TSPO2: variants seen among roughly 807,000 people sequenced by gnomAD.
TSPO2 encodes translocator protein 2, also known as benzodiazapine receptor (peripheral)-like 1.
TSPO2 carries 15 observed loss-of-function variants against 13.3 expected under a neutral mutation model. The observed-to-expected ratio is 1.13, with a 90% confidence interval of 0.75 to 1.73. TSPO2 has a LOEUF of 1.73. Among genes scored for constraint, TSPO2 ranks in the 40% most tolerant of loss-of-function variants. The probability of loss-of-function intolerance (pLI) is 0.00; values close to 1 mark genes in which losing one functional copy is unlikely to be tolerated. For missense variants in TSPO2, 202 were observed against 198.3 expected, an observed-to-expected ratio of 1.02 and a Z score of -0.11; for synonymous variants, 81 against 91.6, an observed-to-expected ratio of 0.88 and a Z score of 0.66.
upstream of TSPO2, among the ~76,000 whole-genome samples, chr6:41,041,475 G>A (rs999565399): frequency 6.6e-6 from 1 of 152,234 alleles, no homozygotes; most frequent in Non-Finnish European, 1.5e-5. Flanking sequence ...GGAGAGGCAG[G>A]TGTCAGGAGA....
At position 41,042,982 on chromosome 6, in the gene TSPO2, G is replaced by A. The variant is rs1418842080; in HGVS notation, c.-4G>A. On this transcript the variant is annotated 5_prime_UTR_variant, in exon 2 of 4. The change creates a new upstream start codon in the 5' untranslated region. Coordinates refer to ENST00000373161, the MANE Select transcript of TSPO2 (RefSeq NM_001010873.3). ...CCTCCCCAGATTTTGCCTCTTCAAG[G>A]TGAATGCGGCTTCAAGGGGCTATCT... 1 of 1,613,536 alleles carries A rather than the reference G, an allele frequency of 6.2e-7. No homozygotes were observed. Among genetic ancestry groups the A allele is most frequent in the African/African-American group, 1.3e-5 (1 of 74,910 alleles).
At position 41,044,190 on chromosome 6, in the gene TSPO2, C is replaced by T. The variant is rs919078331; in HGVS notation, c.*53C>T. On this transcript the variant is annotated 3_prime_UTR_variant, in exon 4 of 4. Coordinates refer to ENST00000373161, the MANE Select transcript of TSPO2 (RefSeq NM_001010873.3). ...GCCCAGGGTGGGGAGGAAGAGTCTG[C>T]AAGCAGGGCTGTGGAGTTAGGGTTC... 9 of 1,592,388 alleles carry T rather than the reference C, an allele frequency of 5.7e-6. No homozygotes were observed. Among genetic ancestry groups the T allele is most frequent in the Admixed American group, 1.7e-5 (1 of 59,380 alleles).
rs1335696235 is a variant in TSPO2 at position 41,043,990 on chromosome 6, G to C, written c.366G>C (p.Leu122=). Residue 122 remains leucine (L), a synonymous_variant, in exon 4 of 4, where the codon CTG becomes CTC. Transcript: ENST00000373161. ...LLYGLVVSTA[L]IWHPINKLAA... ...ATGGGCTGGTGGTGAGCACAGCACT[G>C]ATCTGGCATCCCATCAACAAACTGG... 1 of 1,614,130 alleles carries C rather than the reference G, an allele frequency of 6.2e-7. No homozygotes were observed. The highest frequency in any genetic ancestry group is 8.5e-7 in the Non-Finnish European group (1 of 1,180,002).
At position 41,043,997 on chromosome 6, in the gene TSPO2, C is replaced by T; in HGVS notation, c.373C>T (p.His125Tyr). 1 of 1,614,168 alleles carries T rather than the reference C, an allele frequency of 6.2e-7. No homozygotes were observed. Among genetic ancestry groups the T allele is most frequent in the East Asian group, 2.2e-5 (1 of 44,882 alleles). ...GGTGGTGAGCACAGCACTGATCTGGCATCCCATCAACAAACTGGCTGCCCT... is the reference window on the plus strand; with the variant it reads ...GGTGGTGAGCACAGCACTGATCTGGTATCCCATCAACAAACTGGCTGCCCT... The part of the protein sequence containing the change: ...GLVVSTALIW[H>Y]PINKLAALLL... The change falls in exon 4 of 4, where the codon CAT becomes TAT. Residue 125 changes from histidine to tyrosine, a missense_variant. Physicochemically the swap from His to Tyr is moderately conservative, Grantham distance 83. Coordinates refer to ENST00000373161, the MANE Select transcript of TSPO2 (RefSeq NM_001010873.3).
chr6:41,043,196 A>G (rs542186836), intron 2 of TSPO2, 38 bp downstream of exon 2: 33 of 1,579,116 alleles, frequency 2.1e-5, no homozygotes, highest in South Asian at 9.4e-5. Flanking sequence ...CTGGTACCCA[A>G]TGGGGTGGGA....
rs1373299849 is a variant in TSPO2, at chr6:41,043,170, T to C, written c.173+12T>C. On this transcript the variant is annotated intron_variant, in intron 2 of 3. Transcript: ENST00000373161. ...TACTCTGTCGTGGGGTGAGTACTTG[T>C]TTCTCACACATGGCCCTGGTACCCA... The C allele has an allele frequency of 6.2e-7, 1 of 1,602,152 alleles. No individual in the cohort carries two copies. The highest frequency in any genetic ancestry group is 1.1e-5 in the South Asian group (1 of 89,296).
At position 41,044,063 on chromosome 6, in the gene TSPO2, G is replaced by A; in HGVS notation, c.439G>A (p.Ala147Thr). The change falls in exon 4 of 4, where the codon GCC becomes ACC. Residue 147 changes from alanine (A) to threonine (T), a missense_variant. Physicochemically the swap from Ala to Thr is moderately conservative, Grantham distance 58. Transcript: ENST00000373161. ...PYLAWLTVTSALTYHLWRDSL... is the reference protein window; with the variant it reads ...PYLAWLTVTSTLTYHLWRDSL... ...CCTAGCCTGGCTCACCGTGACTTCA[G>A]CCCTCACCTACCACCTGTGGAGGGA... 6.2e-7 allele frequency: 1 copy of A among 1,614,196 alleles called. No individual in the cohort carries two copies. The highest frequency in any genetic ancestry group is 8.5e-7 in the Non-Finnish European group (1 of 1,180,022).
In TSPO2 at chr6:41,044,224, G is replaced by T; in HGVS notation, c.*87G>T. ...CTGTGGAGTTAGGGTTCACCCCAAT[G>T]GGACCACCCTCCTGGGTCCCCTGGT... On this transcript the variant is annotated 3_prime_UTR_variant, in exon 4 of 4. Coordinates refer to ENST00000373161, the MANE Select transcript of TSPO2 (RefSeq NM_001010873.3). The T allele has an allele frequency of 7.1e-7, 1 of 1,413,904 alleles. No individual in the cohort carries two copies. The allele number at this position is 1,413,904 out of a possible 1,614,324, so 87.6% of individuals were successfully genotyped here.
intron 2 of TSPO2, 130 bp from the exon 3 acceptor site, chr6:41,043,427 C>T (rs905032818): frequency 4.5e-5 from 56 of 1,253,350 alleles, no homozygotes; most frequent in Admixed American, 1.9e-4. Flanking sequence ...CTGGCCCTTA[C>T]ATGATGCCTA....
At chr6:41,043,217 T>C in intron 2 of TSPO2, 59 bp downstream of exon 2, 1 of 1,543,422 alleles carries the variant, frequency 6.5e-7, no homozygotes, top group African/African-American at 1.4e-5. Flanking sequence ...ACAAGTCCTC[T>C]ATATCTGAAT....
At chr6:41,041,485 A>C (rs1762587781), upstream of TSPO2, among the ~76,000 whole-genome samples, 1 of 152,180 alleles carries the variant, frequency 6.6e-6, no homozygotes, top group Non-Finnish European at 1.5e-5. Flanking sequence ...GTGTCAGGAG[A>C]AAAGAGGATG....
chr6:41,043,205 G>A, intron 2 of TSPO2, 47 bp downstream of exon 2: 3 of 1,564,202 alleles, frequency 1.9e-6, no homozygotes, highest in South Asian at 2.4e-5. Context: ...AATGGGGTGG[G>A]AACAAGTCCT....
In TSPO2 at chr6:41,044,068, C is replaced by CACCT. The variant is rs1762639366; in HGVS notation, c.448_451dup (p.His151LeufsTer21). The stretch of plus-strand genomic sequence containing the variant: ...CCTGGCTCACCGTGACTTCAGCCCT[C>CACCT]ACCTACCACCTGTGGAGGGACAGCC... On this transcript the variant is annotated frameshift_variant, in exon 4 of 4. Coordinates refer to ENST00000373161, the MANE Select transcript of TSPO2 (RefSeq NM_001010873.3). LOFTEE classifies it high-confidence loss of function. 1 of 1,614,106 alleles carries CACCT rather than the reference C, an allele frequency of 6.2e-7. No homozygotes were observed. The highest frequency in any genetic ancestry group is 1.7e-5 in the Admixed American group (1 of 60,016).
upstream of TSPO2, among the ~76,000 whole-genome samples, chr6:41,041,519 G>A (rs543100585): frequency 9.8e-5 from 15 of 152,314 alleles, no homozygotes; most frequent in Admixed American, 2.0e-4. Flanking sequence ...GCAGGGAGGG[G>A]GCCTCCACCA....
chr6:41,043,215 T>A, intron 2 of TSPO2, 57 bp downstream of exon 2: 1 of 1,548,248 alleles, frequency 6.5e-7, no homozygotes, highest in Non-Finnish European at 8.7e-7. Flanking sequence ...GAACAAGTCC[T>A]CTATATCTGA....
chr6:41,044,229 C>G lies in TSPO2; in HGVS notation c.*92C>G. ...GAGTTAGGGTTCACCCCAATGGGAC[C>G]ACCCTCCTGGGTCCCCTGGTGCCGT... is the stretch of plus-strand genomic sequence containing the variant. On this transcript the variant is annotated 3_prime_UTR_variant, in exon 4 of 4. Transcript: ENST00000373161. 1 of 1,376,202 alleles carries G rather than the reference C, an allele frequency of 7.3e-7. No individual in the cohort carries two copies. Among genetic ancestry groups the G allele is most frequent in the Non-Finnish European group, 1.0e-6 (1 of 983,462 alleles). 85.2% of individuals were successfully genotyped at this position (1,376,202 alleles called of 1,614,324 possible).
chr6:41,043,167 T>C lies in TSPO2; in HGVS notation c.173+9T>C, dbSNP rs1762617262. The C allele has an allele frequency of 1.2e-6, 2 of 1,603,150 alleles. No homozygotes were observed. The highest frequency in any genetic ancestry group is 2.2e-5 in the South Asian group (2 of 89,476). On this transcript the variant is annotated intron_variant, in intron 2 of 3. Transcript: ENST00000373161. ...ATCTACTCTGTCGTGGGGTGAGTAC[T>C]TGTTTCTCACACATGGCCCTGGTAC...
At chr6:41,043,493 G>C (rs1056370650) in intron 2 of TSPO2, 64 bp from the exon 3 acceptor site, 15 of 1,524,372 alleles carry the variant, frequency 9.8e-6, no homozygotes, top group Admixed American at 4.2e-5. Context: ...TTATGCCAGA[G>C]AGCCTCCTCC....
rs893620874 is a variant in TSPO2, at chr6:41,042,699, C to A, written c.-100C>A. On this transcript the variant is annotated 5_prime_UTR_variant, in exon 1 of 4. Coordinates refer to ENST00000373161, the MANE Select transcript of TSPO2 (RefSeq NM_001010873.3). Reference sequence around the variant, plus strand: ...AGGCCTATTCACTTAGAAGCAGTTACCAGTGCTGGGCAGTGTCCTCCAAGT... The same window carrying A: ...AGGCCTATTCACTTAGAAGCAGTTAACAGTGCTGGGCAGTGTCCTCCAAGT... 2 of 603,702 alleles carry A rather than the reference C, an allele frequency of 3.3e-6. No homozygotes were observed. Among genetic ancestry groups the A allele is most frequent in the African/African-American group, 3.6e-5 (2 of 55,194 alleles). 37.4% of individuals were successfully genotyped at this position (603,702 alleles called of 1,614,324 possible).
Sources: allele counts gnomAD v4.1 joint callset (sites outside exome capture counted in the v4.1 genomes callset), GRCh38; gene constraint gnomAD v4.1.1; transcripts MANE v1.5; gene names NCBI Gene and HGNC (gene_info 2026-07-23, HGNC 2026-07-21).